FAM171A1: variants seen among roughly 807,000 people sequenced by gnomAD.
FAM171A1 encodes family with sequence similarity 171 member A1.
A neutral mutation model predicts 74.9 loss-of-function variants in FAM171A1; 23 were observed. The observed-to-expected ratio is 0.31, with a 90% CI of 0.22 to 0.44. The LOEUF (loss-of-function observed/expected upper bound fraction) is 0.44, where lower values mean the gene tolerates loss of function less well. FAM171A1 is among the 20% of genes least tolerant of loss of function. The pLI is 1.00. For synonymous variants in FAM171A1, 527 were observed against 505.7 expected, an observed-to-expected ratio of 1.04 and a Z score of -0.57; for missense variants, 1,162 against 1,159.2, an observed-to-expected ratio of 1.00 and a Z score of -0.03.
intron 1 of FAM171A1, among the ~76,000 whole-genome samples, chr10:15,336,277 G>A (rs889994733): frequency 2.6e-5 from 4 of 151,280 alleles, no homozygotes; most frequent in Non-Finnish European, 4.4e-5. Context: ...TTATGCACAC[G>A]TTCCTCCTAA....
intron 1 of FAM171A1, among the ~76,000 whole-genome samples, chr10:15,329,009 C>T (rs572564923): frequency 3.9e-5 from 6 of 152,164 alleles, no homozygotes; most frequent in Non-Finnish European, 7.3e-5. Context: ...TCAGTCACGC[C>T]GCACATAAAC....
intron 1 of FAM171A1, among the ~76,000 whole-genome samples, chr10:15,348,102 C>G (rs1446366988): frequency 6.6e-6 from 1 of 152,050 alleles, no homozygotes; most frequent in Admixed American, 6.6e-5. Flanking sequence ...CTCAGCCTCC[C>G]GAGTAGCTGG....
intron 1 of FAM171A1, among the ~76,000 whole-genome samples, chr10:15,327,980 G>T (rs1655598090): frequency 6.7e-6 from 1 of 150,130 alleles, no homozygotes; most frequent in Non-Finnish European, 1.5e-5. Flanking sequence ...TAGTAATCTC[G>T]GTCTAAAACT....
intron 1 of FAM171A1, among the ~76,000 whole-genome samples, chr10:15,308,540 T>C (rs984509441): frequency 2.6e-5 from 4 of 152,094 alleles, no homozygotes; most frequent in Admixed American, 6.5e-5. Flanking sequence ...TTTGGCTTAC[T>C]GAAACCTCCG....
At chr10:15,323,823 G>A (rs1166787761) in intron 1 of FAM171A1, among the ~76,000 whole-genome samples, 2 of 151,852 alleles carry the variant, frequency 1.3e-5, no homozygotes, top group Admixed American at 6.6e-5. Flanking sequence ...GTGCCATACA[G>A]TGCCTAGTCT....
intron 1 of FAM171A1, among the ~76,000 whole-genome samples, chr10:15,316,379 G>A (rs1332345487): frequency 3.9e-5 from 6 of 152,336 alleles, no homozygotes; most frequent in East Asian, 3.9e-4. Context: ...TTCCTGCTGC[G>A]TGTGTTTGTT....
chr10:15,229,557 ACCC>A (rs1368149074), intron 5 of FAM171A1, among the ~76,000 whole-genome samples: 1 of 115,380 alleles, frequency 8.7e-6, no homozygotes. Context: ...CACCATTGTC[ACCC>A]CCATCACCAT....
intron 5 of FAM171A1, among the ~76,000 whole-genome samples, chr10:15,234,448 CG>C (rs1028547539): frequency 3.9e-5 from 6 of 152,186 alleles, no homozygotes; most frequent in Admixed American, 3.9e-4. Context: ...TTATTTTAAA[CG>C]AGAGTACACT....
intron 2 of FAM171A1, among the ~76,000 whole-genome samples, chr10:15,279,165 C>G (rs1292387615): frequency 6.6e-6 from 1 of 152,174 alleles, no homozygotes; most frequent in Non-Finnish European, 1.5e-5. Flanking sequence ...AGGTGTGTGA[C>G]CATCGCAGTG....
chr10:15,329,382 C>T (rs766290582), intron 1 of FAM171A1, among the ~76,000 whole-genome samples: 22 of 152,082 alleles, frequency 1.4e-4, no homozygotes, highest in African/African-American at 4.1e-4. Flanking sequence ...GGCTTGGTGG[C>T]GCACAATTGT....
intron 3 of FAM171A1, among the ~76,000 whole-genome samples, chr10:15,270,987 A>T (rs1373564101): frequency 1.3e-5 from 2 of 152,254 alleles, no homozygotes; most frequent in Non-Finnish European, 2.9e-5. Flanking sequence ...CTCAAAAGGA[A>T]TGCAGCTCCT....
At chr10:15,331,829 G>A (rs1264430523) in intron 1 of FAM171A1, among the ~76,000 whole-genome samples, 3 of 98,858 alleles carry the variant, frequency 3.0e-5, no homozygotes, top group Non-Finnish European at 6.4e-5. Flanking sequence ...ATATATATGT[G>A]TGTATATATA....
At chr10:15,291,272 T>C (rs939455483) in intron 1 of FAM171A1, among the ~76,000 whole-genome samples, 1 of 152,184 alleles carries the variant, frequency 6.6e-6, no homozygotes, top group Non-Finnish European at 1.5e-5. Flanking sequence ...AGGTGGTCAA[T>C]AAAAGTTTGC....
intron 1 of FAM171A1, among the ~76,000 whole-genome samples, chr10:15,290,001 G>A (rs902302448): frequency 1.6e-4 from 24 of 152,258 alleles, no homozygotes; most frequent in African/African-American, 5.3e-4. Context: ...AGGCCGAGGC[G>A]GGCGGGTCAC....
chr10:15,229,018 C>T (rs1038008795), intron 5 of FAM171A1, among the ~76,000 whole-genome samples: 8 of 152,172 alleles, frequency 5.3e-5, no homozygotes, highest in Admixed American at 2.6e-4. Flanking sequence ...AAAGAGGCTG[C>T]GGTGAATTCT....
chr10:15,287,983 T>G (rs891746223), intron 1 of FAM171A1, among the ~76,000 whole-genome samples: 3 of 152,202 alleles, frequency 2.0e-5, no homozygotes, highest in African/African-American at 7.2e-5. Context: ...TCCTCATAGC[T>G]TAGCTCCCAC....
intron 1 of FAM171A1, among the ~76,000 whole-genome samples, chr10:15,291,792 C>G (rs10796272): frequency 0.31 from 47,160 of 152,038 alleles, 9,168 homozygotes; most frequent in East Asian, 0.68. Flanking sequence ...TGAACGTGCT[C>G]TGCTCCAATT....
intron 1 of FAM171A1, among the ~76,000 whole-genome samples, chr10:15,288,656 G>A (rs1446962129): frequency 6.6e-6 from 1 of 152,062 alleles, no homozygotes; most frequent in Non-Finnish European, 1.5e-5. Context: ...GAAAGGCGGA[G>A]TTCCACTCTA....
At chr10:15,226,931 C>T (rs1223356828) in intron 5 of FAM171A1, among the ~76,000 whole-genome samples, 1 of 152,170 alleles carries the variant, frequency 6.6e-6, no homozygotes, top group Non-Finnish European at 1.5e-5. Context: ...AACCTTATTA[C>T]AGTTCTGTCT....
Sources: gnomAD v4.1 joint callset for allele counts (sites outside exome capture counted in the v4.1 genomes callset) on GRCh38, gnomAD v4.1.1 for gene constraint, MANE v1.5 for transcripts, NCBI Gene and HGNC (gene_info 2026-07-23, HGNC 2026-07-21) for gene names.